TRMT11: variants seen among roughly 807,000 people sequenced by gnomAD.
TRMT11 encodes the protein tRNA methyltransferase 11.
Under a neutral mutation model 62.8 loss-of-function variants are expected in TRMT11, and 53 were observed. The ratio of observed to expected loss-of-function variants is 0.84; its 90% confidence interval spans 0.68 to 1.06. TRMT11 has a LOEUF of 1.06. TRMT11 is among the 50% of genes least tolerant of loss of function. The pLI is 0.00. For synonymous variants in TRMT11, 188 were observed against 190.3 expected (o/e 0.99, Z 0.10); for missense variants, 556 against 553.4 (o/e 1.00, Z -0.05).
intron 11 of TRMT11, 133 bp downstream of exon 11, chr6:126,013,234 C>A: frequency 1.2e-6 from 1 of 806,090 alleles, no homozygotes; most frequent in Non-Finnish European, 1.9e-6. Context: ...TGTTTGCCTT[C>A]AAATGTGTAT....
chr6:126,240,209 C>T, the TRMT11 span, among the ~76,000 whole-genome samples: 25 of 152,182 alleles, frequency 1.6e-4, no homozygotes, highest in Admixed American at 3.3e-4. Context: ...TCTCTCAACT[C>T]GTCAAAGTCA....
chr6:126,033,015 G>C (rs139502162), intron 12 of TRMT11, among the ~76,000 whole-genome samples: 52 of 152,198 alleles, frequency 3.4e-4, no homozygotes, highest in African/African-American at 1.2e-3. Context: ...ATGATCCCTA[G>C]GCCTCATTTC....
intron 21 of TRMT11, among the ~76,000 whole-genome samples, chr6:126,116,837 A>T (rs1407626758): frequency 6.6e-6 from 1 of 152,092 alleles, no homozygotes; most frequent in African/African-American, 2.4e-5. Context: ...TTGGATGTTC[A>T]TGAGGGAGAT....
intron 17 of TRMT11, among the ~76,000 whole-genome samples, chr6:126,055,145 T>C (rs1485345700): frequency 6.6e-6 from 1 of 152,170 alleles, no homozygotes; most frequent in Non-Finnish European, 1.5e-5. Flanking sequence ...TTATATGTTT[T>C]GTAGAGACAG....
At chr6:126,073,171 G>C (rs1294726164) in intron 17 of TRMT11, among the ~76,000 whole-genome samples, 2 of 152,080 alleles carry the variant, frequency 1.3e-5, no homozygotes, top group Admixed American at 1.3e-4. Context: ...TCAATGGCCG[G>C]GTGTCAAATG....
intron 21 of TRMT11, among the ~76,000 whole-genome samples, chr6:126,158,934 A>T (rs1404297385): frequency 6.6e-6 from 1 of 152,086 alleles, no homozygotes; most frequent in Non-Finnish European, 1.5e-5. Flanking sequence ...TCCAGCTCTG[A>T]CTTCCTTTGG....
rs183091735 is a variant in TRMT11 at position 126,082,308 on chromosome 6, G to C, written c.*1437+29118G>C. ...GGTTAATAGAATATATAATATTGCT[G>C]TAATGTAATATACTGTATTATATTA... On this transcript the variant is annotated intron_variant and NMD_transcript_variant, in intron 17 of 22. Coordinates refer to the TRMT11 transcript ENST00000648977. Among the ~76,000 whole-genome samples the C allele has an allele frequency of 2.1e-3, 323 of 151,812 alleles. 2 individuals carry two copies. Among genetic ancestry groups the C allele is most frequent in the African/African-American group, 7.5e-3 (310 of 41,388 alleles).
chr6:126,243,377 C>T, the TRMT11 span, among the ~76,000 whole-genome samples: 11 of 152,080 alleles, frequency 7.2e-5, no homozygotes, highest in Non-Finnish European at 1.0e-4. Context: ...GTCAGTGTGG[C>T]GATTCCTCAG....
intron 17 of TRMT11, among the ~76,000 whole-genome samples, chr6:126,112,393 T>C (rs1777541883): frequency 6.6e-6 from 1 of 152,152 alleles, no homozygotes; most frequent in African/African-American, 2.4e-5. Flanking sequence ...CATAAATTAT[T>C]TCTGTCTTTT....
At chr6:126,254,014 A>G in the TRMT11 span, among the ~76,000 whole-genome samples, 1 of 152,160 alleles carries the variant, frequency 6.6e-6, no homozygotes, top group Non-Finnish European at 1.5e-5. Context: ...ACTTTCTAAC[A>G]CTAGAGTTGA....
intron 17 of TRMT11, among the ~76,000 whole-genome samples, chr6:126,104,109 A>C (rs1445725495): frequency 2.0e-5 from 3 of 152,216 alleles, no homozygotes; most frequent in African/African-American, 7.2e-5. Flanking sequence ...CTAAATAATC[A>C]CCATCAAAAT....
the TRMT11 span, among the ~76,000 whole-genome samples, chr6:126,253,622 C>A: frequency 6.6e-6 from 1 of 152,094 alleles, no homozygotes; most frequent in Admixed American, 6.5e-5. Flanking sequence ...AGTCACTAGG[C>A]GACAGGAATT....
downstream of TRMT11, among the ~76,000 whole-genome samples, chr6:126,040,497 T>G (rs1372342685): frequency 6.6e-6 from 1 of 152,152 alleles, no homozygotes; most frequent in Non-Finnish European, 1.5e-5. Context: ...GCCCTCTTAT[T>G]TTAACGAGAG....
At chr6:126,070,514 A>G (rs1338083078) in intron 17 of TRMT11, among the ~76,000 whole-genome samples, 1 of 152,200 alleles carries the variant, frequency 6.6e-6, no homozygotes, top group East Asian at 1.9e-4. Flanking sequence ...GAAGAAATAA[A>G]ACTCCATAGG....
chr6:125,995,674 T>G (rs894029455), intron 2 of TRMT11, among the ~76,000 whole-genome samples: 3 of 152,226 alleles, frequency 2.0e-5, no homozygotes, highest in African/African-American at 7.2e-5. Flanking sequence ...GATTATACTT[T>G]GGGATATAAT....
chr6:126,143,180 C>A (rs1777938697), intron 21 of TRMT11, among the ~76,000 whole-genome samples: 1 of 151,956 alleles, frequency 6.6e-6, no homozygotes, highest in Non-Finnish European at 1.5e-5. Context: ...AAATAGGACT[C>A]CAAAAAATAA....
chr6:126,253,661 C>G, the TRMT11 span, among the ~76,000 whole-genome samples: 1 of 152,134 alleles, frequency 6.6e-6, no homozygotes, highest in Non-Finnish European at 1.5e-5. Flanking sequence ...CTTACAGGAC[C>G]ATCGTCATAT....
At chr6:125,986,648 T>TTCC in intron 1 of TRMT11, 26 bp downstream of exon 1, 1 of 1,564,748 alleles carries the variant, frequency 6.4e-7, no homozygotes. Context: ...CCTCCGGAAC[T>TTCC]TCCGACGGAA....
intron 17 of TRMT11, among the ~76,000 whole-genome samples, chr6:126,098,446 A>G (rs995134697): frequency 1.8e-4 from 27 of 152,336 alleles, no homozygotes; most frequent in African/African-American, 5.8e-4. Context: ...ATGCATTTTT[A>G]TAATGGAAAA....
Sources: allele counts gnomAD v4.1 joint callset (sites outside exome capture counted in the v4.1 genomes callset), GRCh38; gene constraint gnomAD v4.1.1; transcripts MANE v1.5; gene names NCBI Gene and HGNC (gene_info 2026-07-23, HGNC 2026-07-21).